Variants in UBR4 observed in about 807,000 individuals in gnomAD.
UBR4 encodes E3 ubiquitin-protein ligase UBR4.
UBR4 carries 124 observed loss-of-function variants against 575.6 expected under a neutral mutation model. The ratio of observed to expected loss-of-function variants is 0.22; its 90% confidence interval spans 0.19 to 0.25. The LOEUF (loss-of-function observed/expected upper bound fraction) is 0.25. Among genes scored for constraint, UBR4 ranks in the 10% least tolerant of loss-of-function variants. The pLI is 1.00. For synonymous variants in UBR4, 2,455 were observed against 2,473.7 expected, an observed-to-expected ratio of 0.99 and a Z score of 0.22; for missense variants, 4,818 against 6,478.8, an observed-to-expected ratio of 0.74 and a Z score of 8.80.
At chr1:19,197,306 T>G (rs954339782) in intron 7 of UBR4, 41 bp from the exon 8 acceptor site, 29 of 1,612,978 alleles carry the variant, frequency 1.8e-5, no homozygotes, top group Non-Finnish European at 2.4e-5. Context: ...CTTAGAATCA[T>G]TCACTTCTAT....
At position 19,157,673 on chromosome 1, in the gene UBR4, C is replaced by A. The variant is rs1292139713; in HGVS notation, c.5760+142G>T. The A allele has an allele frequency of 1.9e-5, 21 of 1,083,412 alleles. No homozygotes were observed. Among genetic ancestry groups the A allele is most frequent in the Non-Finnish European group, 2.6e-5 (20 of 774,212 alleles). The allele number at this position is 1,083,412 out of a possible 1,614,324, so 67.1% of individuals were successfully genotyped here. A position where few individuals can be genotyped will look rare whatever the true frequency, so the allele number is the denominator to read the frequency against. ...GGGTTCAAGTATTTGAAAAGCTCAACAAGATCTGTCCCTGAAGCATTCTTA... is the reference window on the plus strand; with the variant it reads ...GGGTTCAAGTATTTGAAAAGCTCAAAAAGATCTGTCCCTGAAGCATTCTTA... On this transcript the variant is annotated intron_variant, in intron 40 of 105. Coordinates refer to ENST00000375254, the MANE Select transcript of UBR4 (RefSeq NM_020765.3). The surrounding 1 kb of genome is among the most constrained non-coding windows in gnomAD (Gnocchi z 4.4).
chr1:19,187,076 TTATATATATATATA>T lies in UBR4; in HGVS notation c.1632+74_1632+87del, dbSNP rs59833909. 3.5e-5 allele frequency: 26 copies of T among 733,324 alleles called. No individual in the cohort carries two copies. In the Admixed American group the frequency reaches 1.3e-3, roughly 37 times the overall value. 45.4% of individuals were successfully genotyped at this position (733,324 alleles called of 1,614,324 possible). A position where few individuals can be genotyped will look rare whatever the true frequency, so the allele number is the denominator to read the frequency against. ...CAGTCTTATTCATTTCAAGAAAGTT[TTATATATATATATA>T]TATATACATATATATATCATATATA... On this transcript the variant is annotated intron_variant, in intron 13 of 105. Transcript: ENST00000375254.
chr1:19,166,526 A>T (rs546446514), intron 29 of UBR4, among the ~76,000 whole-genome samples: 2 of 152,198 alleles, frequency 1.3e-5, no homozygotes, highest in East Asian at 3.9e-4. Context: ...CTCTTCACAC[A>T]TTTCCACATT....
chr1:19,149,925 A>ACCCCCC, intron 49 of UBR4: 1 of 581,576 alleles, frequency 1.7e-6, no homozygotes, highest in Non-Finnish European at 2.6e-6. Flanking sequence ...GAAGGGAGGG[A>ACCCCCC]GGAGGCTGGT....
At position 19,088,849 on chromosome 1, in the gene UBR4, C is replaced by A. The variant is rs1333915997; in HGVS notation, c.14340G>T (p.Lys4780Asn). 1 of 1,614,078 alleles carries A rather than the reference C, an allele frequency of 6.2e-7. No individual in the cohort carries two copies. Among genetic ancestry groups the A allele is most frequent in the Non-Finnish European group, 8.5e-7 (1 of 1,180,052 alleles). ...ALREHPDVNK[K>N]IDAARRETRA... ...GGGTCTCCCTGCGGGCTGCGTCAAT[C>A]TTCTTGTTTACGTCAGGGTGTTCCC... The change falls in exon 98 of 106, where the codon AAG becomes AAT. Residue 4780 changes from lysine to asparagine, a missense_variant. Physicochemically the swap from Lys to Asn is moderately conservative, Grantham distance 94 (BLOSUM62 0). Coordinates refer to ENST00000375254, the MANE Select transcript of UBR4 (RefSeq NM_020765.3). This position sits in a 1 kb window ranked among gnomAD's most constrained non-coding sequence, Gnocchi z 4.0.
rs140778150 is a variant in UBR4 at position 19,087,670 on chromosome 1, G to A, written c.14544+146C>T. The A allele has an allele frequency of 4.8e-3, 2,893 of 602,114 alleles. 16 individuals are homozygous for A. Among genetic ancestry groups the A allele is most frequent in the Middle Eastern group, 0.015 (33 of 2,186 alleles). 37.3% of individuals were successfully genotyped at this position (602,114 alleles called of 1,614,324 possible). A position where few individuals can be genotyped will look rare whatever the true frequency, so the allele number is the denominator to read the frequency against. On this transcript the variant is annotated intron_variant, in intron 99 of 105. Coordinates refer to ENST00000375254, the MANE Select transcript of UBR4 (RefSeq NM_020765.3). Reference sequence around the variant, plus strand: ...AGCTCGCCTTCCTGCCTCTAAAGAGGACAGCTGGTCCTTTTGTTAATCTCC... The same window carrying A: ...AGCTCGCCTTCCTGCCTCTAAAGAGAACAGCTGGTCCTTTTGTTAATCTCC...
intron 63 of UBR4, among the ~76,000 whole-genome samples, 164 bp from the exon 64 acceptor site, chr1:19,126,819 G>C (rs1198139921): frequency 6.6e-6 from 1 of 152,190 alleles, no homozygotes; most frequent in African/African-American, 2.4e-5. Context: ...AAGTTTGTGA[G>C]GTTTTTCAGA....
At chr1:19,192,858 C>T (rs1394794845) in intron 9 of UBR4, among the ~76,000 whole-genome samples, 1 of 152,044 alleles carries the variant, frequency 6.6e-6, no homozygotes, top group East Asian at 1.9e-4. Flanking sequence ...TCCCGGCTCA[C>T]TGAAACCTCC....
At chr1:19,123,451 T>C (rs545849313) in intron 65 of UBR4, among the ~76,000 whole-genome samples, 29 of 135,810 alleles carry the variant, frequency 2.1e-4, no homozygotes, top group Non-Finnish European at 3.6e-4. Flanking sequence ...GACTTGGTCT[T>C]AAAAAAAAAA....
At chr1:19,124,437 G>C in intron 65 of UBR4, 104 bp downstream of exon 65, 1 of 1,474,122 alleles carries the variant, frequency 6.8e-7, no homozygotes, top group Non-Finnish European at 9.1e-7. Context: ...AAGGGACTCT[G>C]CAAGGGGAAA....
chr1:19,129,011 G>A lies in UBR4; in HGVS notation c.8970C>T (p.Asn2990=), dbSNP rs757924747. 2.1e-5 allele frequency: 34 copies of A among 1,613,958 alleles called. No individual in the cohort carries two copies. Among genetic ancestry groups the A allele is most frequent in the Admixed American group, 6.7e-5 (4 of 60,000 alleles). The change falls in exon 61 of 106, where the codon AAC becomes AAT. Residue 2990 remains asparagine (N), a synonymous_variant. Coordinates refer to ENST00000375254, the MANE Select transcript of UBR4 (RefSeq NM_020765.3). ...RLLQTLPQLR[N]VGGVRAIPYM... ...ATGGGATGGCCCGGACACCGCCAAC[G>A]TTTCGTAATTGAGGCAGGGTCTGCA...
rs778295731 is a variant in UBR4 at position 19,198,563 on chromosome 1, T to G, written c.626A>C (p.Gln209Pro). 4 of 1,614,176 alleles carry G rather than the reference T, an allele frequency of 2.5e-6. 1 individual carries two copies. In the Admixed American group the frequency reaches 6.7e-5, roughly 27 times the overall value. The change falls in exon 5 of 106, where the codon CAA (glutamine) becomes CCA (proline). Residue 209 changes from glutamine (Q) to proline (P), a missense_variant. Coordinates refer to ENST00000375254, the MANE Select transcript of UBR4 (RefSeq NM_020765.3). ...SVFNPRTVAS[Q>P]PISTQTLVEG... ...CACCAGAGTCTGTGTACTGATAGGTTGTGATGCTACAGTTCTAGGGTTAAA... is the reference window on the plus strand; with the variant it reads ...CACCAGAGTCTGTGTACTGATAGGTGGTGATGCTACAGTTCTAGGGTTAAA...
chr1:19,162,336 G>A, intron 35 of UBR4, 84 bp downstream of exon 35: 5 of 1,486,296 alleles, frequency 3.4e-6, no homozygotes, highest in Non-Finnish European at 4.5e-6. Flanking sequence ...CTCACAGGAG[G>A]CTGGAAAACA....
At chr1:19,120,462 C>T (rs1254684643) in intron 68 of UBR4, 114 bp from the exon 69 acceptor site, 1 of 1,311,068 alleles carries the variant, frequency 7.6e-7, no homozygotes. Context: ...CTAAAAGTTT[C>T]TACTGAATGC....
At chr1:19,154,216 C>G (rs149835543) in intron 44 of UBR4, among the ~76,000 whole-genome samples, 1 of 152,358 alleles carries the variant, frequency 6.6e-6, no homozygotes, top group African/African-American at 2.4e-5. Context: ...AGGCTATCAA[C>G]TGCAGAGGGC....
chr1:19,104,618 G>C lies in UBR4; in HGVS notation c.12694C>G (p.Leu4232Val). 2 of 1,614,152 alleles carry C rather than the reference G, an allele frequency of 1.2e-6. No individual in the cohort carries two copies. Among genetic ancestry groups the C allele is most frequent in the Non-Finnish European group, 1.7e-6 (2 of 1,180,012 alleles). The stretch of plus-strand genomic sequence containing the variant: ...CTTTTAAGGGCATAACCCTGCTGCA[G>C]ATCGGTACTCAGGGTAGCCTCCTCC... ...ALEEATLSTDLQQGYALKSLT... is the reference protein window; with the variant it reads ...ALEEATLSTDVQQGYALKSLT... Residue 4232 changes from leucine (L) to valine (V), a missense_variant, in exon 86 of 106, where the codon CTG becomes GTG. Around this residue, in one of 29 missense-constraint regions of UBR4, gnomAD observed 105 missense variants for 232.8 expected, o/e 0.45. Transcript: ENST00000375254.
Position 19,197,318 on chromosome 1 carries a change from A to G in UBR4, c.894-53T>C. ...TCTCTTAGAATCATTCACTTCTATAATGTGACAGTTAAAGAAATTATCAGC... is the reference window on the plus strand; with the variant it reads ...TCTCTTAGAATCATTCACTTCTATAGTGTGACAGTTAAAGAAATTATCAGC... On this transcript the variant is annotated intron_variant, in intron 7 of 105. Transcript: ENST00000375254. 1.1e-5 allele frequency: 17 copies of G among 1,609,858 alleles called. No individual in the cohort carries two copies. In the South Asian group the frequency reaches 1.9e-4, roughly 18 times the overall value.
chr1:19,129,148 C>T, intron 60 of UBR4, 74 bp from the exon 61 acceptor site: 1 of 1,244,798 alleles, frequency 8.0e-7, no homozygotes, highest in Non-Finnish European at 1.2e-6. Context: ...GTTCCCTCCC[C>T]AACCCCACCC....
At position 19,157,541 on chromosome 1, in the gene UBR4, A is replaced by G. The variant is rs939696444; in HGVS notation, c.5760+274T>C. On this transcript the variant is annotated intron_variant, in intron 40 of 105. Coordinates refer to ENST00000375254, the MANE Select transcript of UBR4 (RefSeq NM_020765.3). The surrounding 1 kb of genome is among the most constrained non-coding windows in gnomAD (Gnocchi z 4.4). ...AGCCAAGCCGTCCTCGGTAACTGCT[A>G]ATCATTACTTTTTCCTGAGGGCTTT... Among the ~76,000 whole-genome samples the G allele has an allele frequency of 3.9e-5, 6 of 152,260 alleles. No individual in the cohort carries two copies. Among genetic ancestry groups the G allele is most frequent in the Admixed American group, 3.9e-4 (6 of 15,292 alleles).
Sources: gnomAD v4.1 joint callset for allele counts (sites outside exome capture counted in the v4.1 genomes callset) on GRCh38, gnomAD v4.1.1 for gene constraint, gnomAD v4.1.1 regional missense constraint, Gnocchi (gnomAD v3.1) non-coding constraint, MANE v1.5 for transcripts, NCBI Gene and HGNC (gene_info 2026-07-23, HGNC 2026-07-21) for gene names.